GPC6: variants seen among roughly 807,000 people sequenced by gnomAD.
GPC6 encodes glypican-6.
In GPC6, 14 loss-of-function variants were observed where a neutral mutation model predicts 55.2. The ratio of observed to expected loss-of-function variants is 0.25; its 90% CI spans 0.17 to 0.40. GPC6 has a LOEUF of 0.40. Ranked by LOEUF, GPC6 falls within the 10% of genes least tolerant of loss-of-function variation. GPC6 has a pLI of 1.00. For synonymous variants in GPC6, 278 were observed against 259.6 expected, an observed-to-expected ratio of 1.07 and a Z score of -0.68; for missense variants, 641 against 708.5, an observed-to-expected ratio of 0.90 and a Z score of 1.08.
chr13:93,305,978 T>C (rs1878843994), intron 1 of GPC6, among the ~76,000 whole-genome samples: 2 of 152,184 alleles, frequency 1.3e-5, no homozygotes, highest in South Asian at 4.1e-4. Context: ...ATTAAGGTAG[T>C]TTTAAAATGT....
In GPC6 at chr13:93,904,229, A is replaced by C. The variant is rs116236410; in HGVS notation, c.711+73684A>C. ...AGCAGAAATGGGACATCTCATTTTA[A>C]ACAAATACTTTGGGTAGATTATGAG... On this transcript the variant is annotated intron_variant, in intron 3 of 8. Coordinates refer to ENST00000377047, the MANE Select transcript of GPC6 (RefSeq NM_005708.5). Among the ~76,000 whole-genome samples, 759 of 152,290 alleles carry C rather than the reference A, an allele frequency of 5.0e-3. 11 individuals are homozygous for C. Among genetic ancestry groups the C allele is most frequent in the African/African-American group, 0.017 (727 of 41,568 alleles).
At chr13:94,123,230 A>T (rs991833289) in intron 4 of GPC6, among the ~76,000 whole-genome samples, 28 of 152,076 alleles carry the variant, frequency 1.8e-4, no homozygotes, top group Admixed American at 4.6e-4. Context: ...ATCTACAATG[A>T]CAAAAATATA....
At chr13:93,854,651 C>T (rs534623508) in intron 3 of GPC6, among the ~76,000 whole-genome samples, 17 of 151,668 alleles carry the variant, frequency 1.1e-4, no homozygotes, top group South Asian at 8.3e-4. Flanking sequence ...CATGGAATAA[C>T]GTTTTAATTA....
chr13:93,355,509 G>A (rs1880814550), intron 1 of GPC6, among the ~76,000 whole-genome samples: 1 of 152,196 alleles, frequency 6.6e-6, no homozygotes, highest in Admixed American at 6.5e-5. Context: ...GCATTTAGAT[G>A]TTTGCATCAA....
intron 1 of GPC6, among the ~76,000 whole-genome samples, chr13:93,366,793 C>T (rs1279458287): frequency 1.3e-5 from 2 of 151,912 alleles, no homozygotes; most frequent in African/African-American, 4.8e-5. Flanking sequence ...GATTTCATTC[C>T]CAGAATTTCT....
chr13:94,289,362 T>A (rs951963220), intron 5 of GPC6, among the ~76,000 whole-genome samples: 1 of 152,198 alleles, frequency 6.6e-6, no homozygotes, highest in Non-Finnish European at 1.5e-5. Flanking sequence ...GCTTTCTTAG[T>A]GGAGTTACAT....
chr13:93,490,126 T>G (rs1879906792), intron 1 of GPC6, among the ~76,000 whole-genome samples: 1 of 151,468 alleles, frequency 6.6e-6, no homozygotes, highest in Non-Finnish European at 1.5e-5. Flanking sequence ...GCTCTTATTA[T>G]TTTGAGATAT....
At chr13:93,874,888 A>G (rs1889243081) in intron 3 of GPC6, among the ~76,000 whole-genome samples, 1 of 151,944 alleles carries the variant, frequency 6.6e-6, no homozygotes, top group Non-Finnish European at 1.5e-5. Flanking sequence ...GCCATTATCT[A>G]AAATCATCAC....
intron 1 of GPC6, among the ~76,000 whole-genome samples, chr13:93,267,693 G>C (rs1308144668): frequency 6.6e-6 from 1 of 152,048 alleles, no homozygotes; most frequent in East Asian, 1.9e-4. Context: ...ATGGTCTTTG[G>C]TTTTGGGAAA....
chr13:94,368,309 G>T (rs940964689), intron 6 of GPC6, among the ~76,000 whole-genome samples: 1 of 152,090 alleles, frequency 6.6e-6, no homozygotes, highest in African/African-American at 2.4e-5. Context: ...AAAATGCTGG[G>T]TGTAACATAT....
chr13:93,797,777 A>G (rs1301833224), intron 2 of GPC6, among the ~76,000 whole-genome samples: 2 of 152,198 alleles, frequency 1.3e-5, no homozygotes, highest in Non-Finnish European at 2.9e-5. Flanking sequence ...AGAGACCATG[A>G]ATTTAAACTG....
At chr13:94,075,625 G>A (rs1884886241) in intron 4 of GPC6, among the ~76,000 whole-genome samples, 1 of 152,066 alleles carries the variant, frequency 6.6e-6, no homozygotes, top group South Asian at 2.1e-4. Flanking sequence ...TCTTACCATA[G>A]ACCTTGGCAA....
At chr13:93,560,821 G>A (rs1056399184) in intron 2 of GPC6, among the ~76,000 whole-genome samples, 1 of 149,458 alleles carries the variant, frequency 6.7e-6, no homozygotes, top group Non-Finnish European at 1.5e-5. Flanking sequence ...TGTTAATTTT[G>A]TGGGAACATA....
chr13:93,224,091 G>A (rs1008102660), upstream of GPC6, among the ~76,000 whole-genome samples: 1 of 151,508 alleles, frequency 6.6e-6, no homozygotes. Flanking sequence ...GTAGAGACGG[G>A]GTTTCACCGT....
At chr13:93,584,339 G>T (rs569970784) in intron 2 of GPC6, among the ~76,000 whole-genome samples, 1 of 152,096 alleles carries the variant, frequency 6.6e-6, no homozygotes, top group African/African-American at 2.4e-5. Flanking sequence ...GGTATCTTTG[G>T]GGGGGTCCCA....
intron 1 of GPC6, chr13:93,450,828 A>G (rs995278128): frequency 2.9e-6 from 1 of 346,740 alleles, no homozygotes; most frequent in Non-Finnish European, 4.1e-6. Flanking sequence ...TATCCTGAGG[A>G]CATATGAAGT....
At position 94,118,802 on chromosome 13, in the gene GPC6, A is replaced by G. The variant is rs542686412; in HGVS notation, c.877+90908A>G. On this transcript the variant is annotated intron_variant, in intron 4 of 8. Coordinates refer to ENST00000377047, the MANE Select transcript of GPC6 (RefSeq NM_005708.5). ...GGGAGTTCAACAGAGTCAGGCTCCC[A>G]TATGTTGTTCTAGCAGAAAGAGAAA... 2.0e-5 allele frequency among the ~76,000 whole-genome samples: 3 copies of G among 152,202 alleles called. No homozygotes were observed. In the East Asian group the frequency reaches 5.8e-4, roughly 30 times the overall value.
chr13:94,257,595 C>T (rs950080762), intron 4 of GPC6, among the ~76,000 whole-genome samples: 4 of 152,160 alleles, frequency 2.6e-5, no homozygotes, highest in Non-Finnish European at 5.9e-5. Context: ...ACCAAACCAC[C>T]CTGAGAAATA....
At chr13:94,384,767 C>T (rs1183084111) in intron 7 of GPC6, among the ~76,000 whole-genome samples, 3 of 152,142 alleles carry the variant, frequency 2.0e-5, no homozygotes, top group Non-Finnish European at 4.4e-5. Context: ...CAAATCCTAG[C>T]CCAGTATTTT....
Sources: gnomAD v4.1 joint callset for allele counts (sites outside exome capture counted in the v4.1 genomes callset) on GRCh38, gnomAD v4.1.1 for gene constraint, MANE v1.5 for transcripts, NCBI Gene and HGNC (gene_info 2026-07-23, HGNC 2026-07-21) for gene names.